The following MBOAT2 variants were observed in gnomAD, a reference collection of about 807,000 sequenced individuals.
The protein encoded by MBOAT2 is membrane bound glycerophospholipid O-acyltransferase 2, also known as membrane-bound glycerophospholipid O-acyltransferase 2.
Under a neutral mutation model 63.4 loss-of-function variants are expected in MBOAT2, and 28 were observed. The ratio of observed to expected loss-of-function variants is 0.44; its 90% CI spans 0.33 to 0.61. The LOEUF is 0.61. MBOAT2 is among the 20% of genes least tolerant of loss of function. The pLI is 0.03. For synonymous variants in MBOAT2, 211 were observed against 215.6 expected (o/e 0.98, Z 0.19); for missense variants, 470 against 605.8 (o/e 0.78, Z 2.35).
rs959979364 is a variant in MBOAT2 at position 8,882,244 on chromosome 2, T to C, written c.506+267A>G. Among the ~76,000 whole-genome samples the C allele has an allele frequency of 2.6e-5, 4 of 152,190 alleles. No homozygotes were observed. Among genetic ancestry groups the C allele is most frequent in the Admixed American group, 6.5e-5 (1 of 15,280 alleles). On this transcript the variant is annotated intron_variant, in intron 6 of 12. Coordinates refer to ENST00000305997, the MANE Select transcript of MBOAT2 (RefSeq NM_138799.4). ...TGTCTTCAAGGAACTCAGAGTCTCA[T>C]AGGGATGAAAACTTTAGCAGCTAAC...
chr2:8,922,944 T>C (rs912652302), intron 3 of MBOAT2, among the ~76,000 whole-genome samples: 4 of 152,252 alleles, frequency 2.6e-5, no homozygotes, highest in East Asian at 1.9e-4. Context: ...CTGGTTTTCA[T>C]GGCCAGCCTT....
intron 3 of MBOAT2, among the ~76,000 whole-genome samples, chr2:8,914,794 T>C (rs1211428085): frequency 1.3e-5 from 2 of 152,066 alleles, no homozygotes; most frequent in African/African-American, 4.8e-5. Context: ...AGACTAAGTA[T>C]AAAAACAAAA....
intron 12 of MBOAT2, among the ~76,000 whole-genome samples, chr2:8,859,959 T>G (rs1572901365): frequency 6.6e-6 from 1 of 151,614 alleles, no homozygotes; most frequent in Admixed American, 6.6e-5. Context: ...CCAAGGCGGG[T>G]GGATCACGAG....
chr2:8,945,582 T>C (rs1047192447), intron 2 of MBOAT2, among the ~76,000 whole-genome samples: 3 of 152,164 alleles, frequency 2.0e-5, no homozygotes, highest in African/African-American at 7.2e-5. Context: ...ATCTAGTCAG[T>C]ATATTCCAAC....
intron 3 of MBOAT2, among the ~76,000 whole-genome samples, chr2:8,938,287 C>A (rs1335686837): frequency 1.3e-4 from 20 of 152,048 alleles, no homozygotes; most frequent in Admixed American, 1.3e-3. Context: ...ATACTTTGGC[C>A]AAAGGGAAAT....
chr2:8,890,866 G>A (rs1663942626), intron 4 of MBOAT2, among the ~76,000 whole-genome samples: 3 of 152,258 alleles, frequency 2.0e-5, no homozygotes, highest in Non-Finnish European at 2.9e-5. Flanking sequence ...TAAGTGTCCA[G>A]TCAAGATCTA....
At chr2:8,908,308 T>C (rs537037130) in intron 4 of MBOAT2, 3 of 203,292 alleles carry the variant, frequency 1.5e-5, no homozygotes, top group East Asian at 2.2e-4. Flanking sequence ...ACACTGAAAA[T>C]AGGTGAAATG....
intron 4 of MBOAT2, among the ~76,000 whole-genome samples, chr2:8,894,008 T>G (rs1343906131): frequency 6.6e-6 from 1 of 152,068 alleles, no homozygotes; most frequent in African/African-American, 2.4e-5. Context: ...TCGTGCAGGT[T>G]TGTTACATAG....
At chr2:8,962,467 ATG>A (rs1276603801) in intron 1 of MBOAT2, among the ~76,000 whole-genome samples, 1 of 152,112 alleles carries the variant, frequency 6.6e-6, no homozygotes, top group African/African-American at 2.4e-5. Flanking sequence ...AGCAGAAGTG[ATG>A]TGTGTTGCTT....
chr2:8,966,094 G>A (rs1669959375), intron 1 of MBOAT2, among the ~76,000 whole-genome samples: 1 of 152,164 alleles, frequency 6.6e-6, no homozygotes, highest in Non-Finnish European at 1.5e-5. Flanking sequence ...CAGTCTTTGT[G>A]AGACCCTGCA....
Position 8,890,501 on chromosome 2 carries a change from G to C in MBOAT2, c.396-2428C>G, listed in dbSNP as rs368230527. The stretch of plus-strand genomic sequence containing the variant: ...TCTCCAGCATGTAGCACAGTGTCTG[G>C]CACAAAATATGTGCTAAATGTAAAA... On this transcript the variant is annotated intron_variant, in intron 4 of 12. Transcript: ENST00000305997. Among the ~76,000 whole-genome samples, 27 of 152,222 alleles carry C rather than the reference G, an allele frequency of 1.8e-4. No individual in the cohort carries two copies. The South Asian group carries it at 2.9e-3, about 16-fold the overall frequency.
chr2:8,969,174 C>T (rs1022656898), intron 1 of MBOAT2, among the ~76,000 whole-genome samples: 5 of 152,028 alleles, frequency 3.3e-5, no homozygotes, highest in African/African-American at 7.3e-5. Flanking sequence ...GCGGATCTCT[C>T]GGCAGAAACT....
intron 1 of MBOAT2, among the ~76,000 whole-genome samples, chr2:8,959,798 A>C: frequency 6.6e-6 from 1 of 152,170 alleles, no homozygotes; most frequent in Non-Finnish European, 1.5e-5. Context: ...ACATATTCTC[A>C]TAGAATCTTA....
intron 5 of MBOAT2, among the ~76,000 whole-genome samples, chr2:8,887,185 G>C (rs1217784472): frequency 6.6e-6 from 1 of 152,104 alleles, no homozygotes; most frequent in African/African-American, 2.4e-5. Flanking sequence ...TTTTTCTGAA[G>C]GGCAGAAAGA....
intron 1 of MBOAT2, among the ~76,000 whole-genome samples, chr2:8,974,827 C>T (rs1473333094): frequency 6.6e-6 from 1 of 152,082 alleles, no homozygotes; most frequent in Non-Finnish European, 1.5e-5. Context: ...CTGCTCGTTT[C>T]ATCCCACTAA....
chr2:8,912,290 AAAAGAAAGAAAAGAAAGAAAGAAAGAAAG>A (rs1558606148), intron 3 of MBOAT2, among the ~76,000 whole-genome samples: 1 of 125,908 alleles, frequency 7.9e-6, no homozygotes, highest in Non-Finnish European at 1.6e-5. Context: ...AGACAGAAGG[AAAAGAAAGAAAAGAAAGAAAGAAAGAAAG>A]AAAGAAAGAA....
chr2:8,861,133 T>A (rs925355913), intron 11 of MBOAT2: 1 of 153,806 alleles, frequency 6.5e-6, no homozygotes, highest in African/African-American at 2.4e-5. Flanking sequence ...TGCCTAGAGA[T>A]CCTTAAATCA....
chr2:8,865,845 T>C (rs1264473316), intron 9 of MBOAT2, among the ~76,000 whole-genome samples: 1 of 152,200 alleles, frequency 6.6e-6, no homozygotes, highest in Non-Finnish European at 1.5e-5. Context: ...GAGACTAGCC[T>C]GGCCAACATG....
At chr2:8,941,593 G>C (rs919888453) in intron 3 of MBOAT2, among the ~76,000 whole-genome samples, 1 of 151,832 alleles carries the variant, frequency 6.6e-6, no homozygotes, top group African/African-American at 2.4e-5. Flanking sequence ...AAACCCGGGA[G>C]GCAGAGGTTG....
Sources: allele counts gnomAD v4.1 joint callset (sites outside exome capture counted in the v4.1 genomes callset), GRCh38; gene constraint gnomAD v4.1.1; transcripts MANE v1.5; gene names NCBI Gene and HGNC (gene_info 2026-07-23, HGNC 2026-07-21).